ITGA1: variants seen among roughly 807,000 people sequenced by gnomAD.
ITGA1 encodes integrin subunit alpha 1.
In ITGA1, 85 loss-of-function variants were observed where a neutral mutation model predicts 145.9. The ratio of observed to expected loss-of-function variants is 0.58; its 90% CI spans 0.49 to 0.70. The LOEUF (loss-of-function observed/expected upper bound fraction) is 0.70, where lower values mean the gene tolerates loss of function less well. ITGA1 is among the 30% of genes least tolerant of loss of function. ITGA1 has a pLI of 0.00. For synonymous variants in ITGA1, 520 were observed against 495.3 expected (o/e 1.05, Z -0.66); for missense variants, 1,351 against 1,418.7 (o/e 0.95, Z 0.77).
chr5:52,938,876 A>G (rs529717662), intron 24 of ITGA1, among the ~76,000 whole-genome samples: 1 of 152,068 alleles, frequency 6.6e-6, no homozygotes, highest in Admixed American at 6.6e-5. Context: ...TTCATGAGCC[A>G]TAATATTGAA....
rs533895653 is a variant in ITGA1 at position 52,881,984 on chromosome 5, C to T, written c.736C>T (p.Arg246Cys). Reference sequence around the variant, plus strand: ...AAAGAAAATAGTCCAGAGAGGTGGCCGCCAGACTATGACAGCTCTTGGAAT... The same window carrying T: ...AAAGAAAATAGTCCAGAGAGGTGGCTGCCAGACTATGACAGCTCTTGGAAT... ...AAKKIVQRGGRQTMTALGIDT... is the reference protein window; with the variant it reads ...AAKKIVQRGGCQTMTALGIDT... The change falls in exon 7 of 29, where the codon CGC (arginine) becomes TGC (cysteine). Residue 246 changes from arginine to cysteine, a missense_variant. Physicochemically the swap from Arg to Cys is radical, Grantham distance 180. Coordinates refer to ENST00000282588, the MANE Select transcript of ITGA1 (RefSeq NM_181501.2). 2 of 1,612,890 alleles carry T rather than the reference C, an allele frequency of 1.2e-6. No individual in the cohort carries two copies. The highest frequency in any genetic ancestry group is 2.2e-5 in the East Asian group (1 of 44,836).
rs140128990 is a variant in ITGA1, at chr5:52,910,680, C to T, written c.1857+261C>T. ...TGTATATAGTATATATATATACACA[C>T]TATATATACTATATACACACTATAT... On this transcript the variant is annotated intron_variant, in intron 14 of 28. Transcript: ENST00000282588. Among the ~76,000 whole-genome samples, 781 of 145,184 alleles carry T rather than the reference C, an allele frequency of 5.4e-3. 7 individuals carry two copies. Among genetic ancestry groups the T allele is most frequent in the African/African-American group, 0.019 (743 of 39,754 alleles).
chr5:52,840,176 A>C (rs1167818351), intron 1 of ITGA1, among the ~76,000 whole-genome samples: 1 of 152,258 alleles, frequency 6.6e-6, no homozygotes, highest in Non-Finnish European at 1.5e-5. Flanking sequence ...AAGTAAATGA[A>C]TAAAATTCAT....
rs1197422945 is a variant in ITGA1 at position 52,911,284 on chromosome 5, A to G, written c.1857+865A>G. 5.9e-5 allele frequency among the ~76,000 whole-genome samples: 8 copies of G among 135,614 alleles called. No homozygotes were observed. In the East Asian group the frequency reaches 8.6e-4, roughly 15 times the overall value. 89.0% of individuals were successfully genotyped at this position (135,614 alleles called of 152,430 possible). On this transcript the variant is annotated intron_variant, in intron 14 of 28. Coordinates refer to ENST00000282588, the MANE Select transcript of ITGA1 (RefSeq NM_181501.2). ...TATATAGTATATGTAGTGTATATATAGTATATACAGTGTATATATAGTATA... is the reference window on the plus strand; with the variant it reads ...TATATAGTATATGTAGTGTATATATGGTATATACAGTGTATATATAGTATA...
intron 28 of ITGA1, among the ~76,000 whole-genome samples, chr5:52,950,248 T>G (rs536614100): frequency 2.6e-5 from 4 of 152,260 alleles, no homozygotes; most frequent in Non-Finnish European, 5.9e-5. Flanking sequence ...CTCTCCTAAC[T>G]TGATGTCATA....
At chr5:52,815,952 C>T (rs1398730510) in intron 1 of ITGA1, among the ~76,000 whole-genome samples, 2 of 152,030 alleles carry the variant, frequency 1.3e-5, no homozygotes, top group Admixed American at 6.5e-5. Context: ...CACAAAAACT[C>T]CTTGATGACA....
chr5:52,812,266 T>C (rs1272164370), intron 1 of ITGA1, among the ~76,000 whole-genome samples: 1 of 152,200 alleles, frequency 6.6e-6, no homozygotes, highest in African/African-American at 2.4e-5. Flanking sequence ...ACCGATCAAT[T>C]TGTGAATATT....
intron 2 of ITGA1, among the ~76,000 whole-genome samples, chr5:52,854,437 TCATTTCCACCCCTC>T (rs1392749753): frequency 6.6e-6 from 1 of 152,142 alleles, no homozygotes; most frequent in Non-Finnish European, 1.5e-5. Context: ...TTGGCTCCCC[TCATTTCCACCCCTC>T]CACCTTTTAT....
chr5:52,873,359 C>T (rs558218092), intron 6 of ITGA1, among the ~76,000 whole-genome samples: 3 of 152,318 alleles, frequency 2.0e-5, no homozygotes, highest in African/African-American at 7.2e-5. Flanking sequence ...TTTAACCTCT[C>T]CTATCTTTGC....
chr5:52,950,218 G>A (rs1231514142), intron 28 of ITGA1, among the ~76,000 whole-genome samples: 1 of 152,152 alleles, frequency 6.6e-6, no homozygotes, highest in Non-Finnish European at 1.5e-5. Flanking sequence ...CAGGAGCCAT[G>A]AGAGACTCAG....
Position 52,925,534 on chromosome 5 carries a change from C to T in ITGA1, c.2613+47C>T, listed in dbSNP as rs779250273. 2.2e-6 allele frequency: 3 copies of T among 1,390,020 alleles called. No homozygotes were observed. The South Asian group carries it at 3.6e-5, about 16-fold the overall frequency. 86.1% of individuals were successfully genotyped at this position (1,390,020 alleles called of 1,614,324 possible). Reference sequence around the variant, plus strand: ...TATTTGTTCTCTTAACATCATTTACCTGGCCTACTTTTCATGCTACTGAGA... The same window carrying T: ...TATTTGTTCTCTTAACATCATTTACTTGGCCTACTTTTCATGCTACTGAGA... On this transcript the variant is annotated intron_variant, in intron 19 of 28. Transcript: ENST00000282588.
intron 1 of ITGA1, among the ~76,000 whole-genome samples, chr5:52,826,857 C>T (rs1748974729): frequency 1.3e-5 from 2 of 152,152 alleles, no homozygotes; most frequent in Admixed American, 1.3e-4. Flanking sequence ...CCCAGTCACC[C>T]AAGAGCTCCA....
intron 6 of ITGA1, among the ~76,000 whole-genome samples, chr5:52,879,329 A>G (rs184354233): frequency 6.6e-6 from 1 of 152,302 alleles, no homozygotes; most frequent in East Asian, 1.9e-4. Context: ...ACAAAGGGGA[A>G]GAAAAACAAA....
intron 14 of ITGA1, among the ~76,000 whole-genome samples, chr5:52,911,006 C>CAG (rs1491276602): frequency 4.6e-5 from 1 of 21,732 alleles, no homozygotes; most frequent in African/African-American, 1.9e-4. Flanking sequence ...AGTATGTATA[C>CAG]TGTATATACT....
chr5:52,826,450 A>G (rs187978471), intron 1 of ITGA1, among the ~76,000 whole-genome samples: 6 of 152,392 alleles, frequency 3.9e-5, no homozygotes, highest in Non-Finnish European at 8.8e-5. Context: ...CAAGTTATCC[A>G]GAAGATCTAG....
Position 52,888,752 on chromosome 5 carries a change from T to C in ITGA1, c.924+787T>C, listed in dbSNP as rs193153059. On this transcript the variant is annotated intron_variant, in intron 8 of 28. Transcript: ENST00000282588. ...GCTTGCAGTTCTTCTCAGACATTAG[T>C]GCATTACTCCTGTAACCTCATTATT... Among the ~76,000 whole-genome samples, 96 of 152,316 alleles carry C rather than the reference T, an allele frequency of 6.3e-4. 1 individual carries two copies. Among genetic ancestry groups the C allele is most frequent in the East Asian group, 5.8e-4 (3 of 5,162 alleles).
chr5:52,857,326 A>G (rs1749531372), intron 2 of ITGA1, among the ~76,000 whole-genome samples: 2 of 152,098 alleles, frequency 1.3e-5, no homozygotes, highest in South Asian at 2.1e-4. Context: ...CACCCTGTCT[A>G]CCTGCTCAGA....
rs377445922 is a variant in ITGA1 at position 52,795,669 on chromosome 5, T to A, written c.61+7255T>A. 3.5e-4 allele frequency among the ~76,000 whole-genome samples: 53 copies of A among 152,062 alleles called. No individual in the cohort carries two copies. In the South Asian group the frequency reaches 0.01, roughly 29 times the overall value. ...TTATTTTTCCAAGGCTGAATAATTA[T>A]GATCATGTTAAAATGAGCTCTTGTC... On this transcript the variant is annotated intron_variant, in intron 1 of 28. Transcript: ENST00000282588.
At chr5:52,830,112 C>T (rs1196977111) in intron 1 of ITGA1, among the ~76,000 whole-genome samples, 1 of 151,996 alleles carries the variant, frequency 6.6e-6, no homozygotes, top group Non-Finnish European at 1.5e-5. Flanking sequence ...CATAAAAAAG[C>T]CAGTAGGGTA....
Sources: gnomAD v4.1 joint callset for allele counts (sites outside exome capture counted in the v4.1 genomes callset) on GRCh38, gnomAD v4.1.1 for gene constraint, MANE v1.5 for transcripts, NCBI Gene and HGNC (gene_info 2026-07-23, HGNC 2026-07-21) for gene names.